COL21A1: variants seen among roughly 807,000 people sequenced by gnomAD.
COL21A1 encodes the protein collagen type XXI alpha 1 chain.
A neutral mutation model predicts 137.9 loss-of-function variants in COL21A1; 149 were observed. The observed-to-expected ratio is 1.08, with a 90% CI of 0.95 to 1.24. COL21A1 has a LOEUF of 1.24. Among genes scored for constraint, COL21A1 ranks in the 50% most tolerant of loss-of-function variants. The pLI is 0.00. For missense variants in COL21A1, 1,167 were observed against 1,158.4 expected (o/e 1.01, Z -0.11); for synonymous variants, 456 against 391.5 (o/e 1.16, Z -1.95).
chr6:56,171,044 T>C lies in COL21A1; in HGVS notation c.725A>G (p.Lys242Arg). Reference sequence around the variant, plus strand: ...TGAAAGCTGTATTCTTTTCTTAACCTTTTTATTTACATCTAAACCTAAAAG... The same window carrying C: ...TGAAAGCTGTATTCTTTTCTTAACCCTTTTATTTACATCTAAACCTAAAAG... Reference protein sequence around the residue: ...DILLGLDVNKKVKKRIQLSPK... With the variant: ...DILLGLDVNKRVKKRIQLSPK... Residue 242 changes from lysine to arginine, a missense_variant, in exon 4 of 30, where the codon AAG becomes AGG. Lys to Arg is a conservative substitution (Grantham distance 26, BLOSUM62 2). Coordinates refer to ENST00000244728, the MANE Select transcript of COL21A1 (RefSeq NM_030820.4). The C allele has an allele frequency of 6.2e-7, 1 of 1,608,164 alleles. No homozygotes were observed. The highest frequency in any genetic ancestry group is 8.5e-7 in the Non-Finnish European group (1 of 1,177,174).
intron 1 of COL21A1, among the ~76,000 whole-genome samples, chr6:56,258,323 T>C (rs1471621517): frequency 1.3e-5 from 2 of 152,280 alleles, no homozygotes; most frequent in African/African-American, 4.8e-5. Context: ...CTGTGCTCTT[T>C]TTTTAGGTAC....
chr6:56,239,986 C>T (rs903236136), intron 1 of COL21A1, among the ~76,000 whole-genome samples: 2 of 151,988 alleles, frequency 1.3e-5, no homozygotes, highest in Non-Finnish European at 2.9e-5. Flanking sequence ...ATGATTTCCC[C>T]CATACTGTTC....
intron 3 of COL21A1, among the ~76,000 whole-genome samples, chr6:56,176,772 C>T (rs1777502715): frequency 6.7e-6 from 1 of 149,326 alleles, no homozygotes; most frequent in South Asian, 2.1e-4. Context: ...ATACTGTACA[C>T]TTAAAGATTT....
At chr6:56,164,869 T>A in intron 7 of COL21A1, 47 bp from the exon 8 acceptor site, 1 of 1,333,778 alleles carries the variant, frequency 7.5e-7, no homozygotes. Flanking sequence ...TAAATAAAAT[T>A]TATAAATTAT....
At chr6:56,072,557 C>T (rs556900416) in intron 20 of COL21A1, among the ~76,000 whole-genome samples, 6 of 151,484 alleles carry the variant, frequency 4.0e-5, no homozygotes, top group South Asian at 2.1e-4. Flanking sequence ...CAGAAAGAAA[C>T]GAATATAGAG....
intron 12 of COL21A1, among the ~76,000 whole-genome samples, chr6:56,135,446 TA>T (rs541619390): frequency 4.4e-4 from 65 of 148,242 alleles, no homozygotes; most frequent in South Asian, 1.1e-3. Context: ...AAATTAGAAT[TA>T]AAAAAAAAAC....
intron 1 of COL21A1, among the ~76,000 whole-genome samples, chr6:56,206,123 A>G (rs1371238199): frequency 6.6e-6 from 1 of 152,244 alleles, no homozygotes; most frequent in Non-Finnish European, 1.5e-5. Flanking sequence ...GATCAAATTC[A>G]CACATCACAG....
intron 1 of COL21A1, among the ~76,000 whole-genome samples, chr6:56,256,728 G>A (rs1444102479): frequency 6.6e-6 from 1 of 151,868 alleles, no homozygotes; most frequent in African/African-American, 2.4e-5. Flanking sequence ...TTTTTAAAAA[G>A]GGGTTATGAG....
At chr6:56,353,562 T>C (rs796981053) in intron 1 of COL21A1, among the ~76,000 whole-genome samples, 22 of 152,316 alleles carry the variant, frequency 1.4e-4, no homozygotes, top group African/African-American at 5.3e-4. Context: ...CTTGGCATCA[T>C]GCGAGATAAT....
chr6:56,271,083 T>C (rs1763514834), intron 1 of COL21A1, among the ~76,000 whole-genome samples: 1 of 152,130 alleles, frequency 6.6e-6, no homozygotes, highest in African/African-American at 2.4e-5. Context: ...ACAGTTTGGA[T>C]GGCGCAGAAG....
rs753645403 is a variant in COL21A1, at chr6:56,057,761, G to A, written c.2770C>T (p.Pro924Ser). Residue 924 changes from proline to serine, a missense_variant, in exon 30 of 30, where the codon CCT becomes TCT. Pro to Ser is a moderately conservative substitution (Grantham distance 74). Transcript: ENST00000244728. ...LPGKDGDHGK[P>S]GIQGQPGPPG... ...GGGCCTGGTTGCCCTTGGATTCCAGGTTTTCCATGGTCTCCATCTTTGCCA... is the reference window on the plus strand; with the variant it reads ...GGGCCTGGTTGCCCTTGGATTCCAGATTTTCCATGGTCTCCATCTTTGCCA... 101 of 1,610,902 alleles carry A rather than the reference G, an allele frequency of 6.3e-5. No individual in the cohort carries two copies. The highest frequency in any genetic ancestry group is 5.0e-4 in the Middle Eastern group (3 of 6,016).
At chr6:56,108,302 T>TA (rs1340498749) in intron 16 of COL21A1, among the ~76,000 whole-genome samples, 1 of 151,768 alleles carries the variant, frequency 6.6e-6, no homozygotes, top group South Asian at 2.1e-4. Context: ...TCTATTAAAA[T>TA]AAAAAAATTC....
At chr6:56,324,566 T>C (rs1158175883) in intron 1 of COL21A1, among the ~76,000 whole-genome samples, 2 of 151,832 alleles carry the variant, frequency 1.3e-5, no homozygotes, top group Non-Finnish European at 2.9e-5. Flanking sequence ...TGAGGTGGAG[T>C]AGGGTCCTGG....
intron 16 of COL21A1, among the ~76,000 whole-genome samples, chr6:56,104,249 C>T (rs927945172): frequency 6.6e-6 from 1 of 152,162 alleles, no homozygotes; most frequent in African/African-American, 2.4e-5. Flanking sequence ...GAAGGAGGAA[C>T]AGACTCTTTA....
chr6:56,083,118 G>A (rs1342701121), intron 17 of COL21A1, among the ~76,000 whole-genome samples: 2 of 152,008 alleles, frequency 1.3e-5, no homozygotes, highest in Non-Finnish European at 2.9e-5. Context: ...TGGGTCAGAA[G>A]TCCAGCATGG....
intron 1 of COL21A1, among the ~76,000 whole-genome samples, chr6:56,239,931 A>G (rs1782170288): frequency 6.6e-6 from 1 of 152,120 alleles, no homozygotes; most frequent in African/African-American, 2.4e-5. Flanking sequence ...CATAATTCCA[A>G]TGTGTTGTGA....
intron 7 of COL21A1, among the ~76,000 whole-genome samples, chr6:56,166,414 G>A (rs1040097715): frequency 1.3e-5 from 2 of 152,074 alleles, no homozygotes; most frequent in Admixed American, 1.3e-4. Flanking sequence ...CACTTTAGAG[G>A]GCTTAGGCCG....
intron 1 of COL21A1, among the ~76,000 whole-genome samples, chr6:56,321,402 C>T (rs1764864088): frequency 1.3e-5 from 2 of 152,136 alleles, no homozygotes; most frequent in South Asian, 4.1e-4. Context: ...GAGATTTTTG[C>T]ATTGGCATTT....
At chr6:56,371,006 A>T (rs1228284133) in intron 1 of COL21A1, among the ~76,000 whole-genome samples, 1 of 152,182 alleles carries the variant, frequency 6.6e-6, no homozygotes, top group East Asian at 1.9e-4. Flanking sequence ...GAATTGAATG[A>T]TCATCTTAAA....
Sources: allele counts gnomAD v4.1 joint callset (sites outside exome capture counted in the v4.1 genomes callset), GRCh38; gene constraint gnomAD v4.1.1; transcripts MANE v1.5; gene names NCBI Gene and HGNC (gene_info 2026-07-23, HGNC 2026-07-21).